ARHGEF7: variants seen among roughly 807,000 people sequenced by gnomAD.
The protein encoded by ARHGEF7 is Rho guanine nucleotide exchange factor 7.
ARHGEF7 carries 33 observed loss-of-function variants against 109.8 expected under a neutral mutation model. The observed-to-expected ratio is 0.30, with a 90% confidence interval of 0.23 to 0.40. The LOEUF (loss-of-function observed/expected upper bound fraction) is 0.40. Ranked by LOEUF, ARHGEF7 falls within the 10% of genes least tolerant of loss-of-function variation. The probability of loss-of-function intolerance (pLI) is 1.00; values close to 1 mark genes in which losing one functional copy is unlikely to be tolerated. For missense variants in ARHGEF7, 938 were observed against 1,098.5 expected (o/e 0.85, Z 2.07); for synonymous variants, 458 against 424.6 (o/e 1.08, Z -0.97).
intron 2 of ARHGEF7, among the ~76,000 whole-genome samples, chr13:111,205,036 C>G (rs1219735890): frequency 6.6e-6 from 1 of 152,206 alleles, no homozygotes; most frequent in Non-Finnish European, 1.5e-5. Context: ...GCTCACACTC[C>G]AGAGGGGCAG....
chr13:111,181,299 A>C (rs78426425), intron 2 of ARHGEF7, among the ~76,000 whole-genome samples: 4,257 of 152,300 alleles, frequency 0.028, 88 homozygotes, highest in Non-Finnish European at 0.038. Context: ...AAGTTGTCCC[A>C]ACTTCAAATT....
At chr13:111,241,357 C>G in intron 6 of ARHGEF7, 1 of 1,535,672 alleles carries the variant, frequency 6.5e-7, no homozygotes, top group Non-Finnish European at 8.7e-7. Flanking sequence ...CCCCCGGCTG[C>G]GCCCCGAGGT....
chr13:111,281,181 C>CTTTTTTTTTTTTTTTTTT lies in ARHGEF7; in HGVS notation c.1725+515_1725+532dup, dbSNP rs11403258. ...CAACAAGTCTTTGGATATTTAGAGA[C>CTTTTTTTTTTTTTTTTTT]TTTTTTTTTTTTTTTTTTTTTTTTT... On this transcript the variant is annotated intron_variant, in intron 15 of 21. Coordinates refer to ENST00000646102, the MANE Select transcript of ARHGEF7 (RefSeq NM_001354046.2). The CTTTTTTTTTTTTTTTTTT allele has an allele frequency of 5.4e-4, 32 of 59,444 alleles. 2 individuals are homozygous for CTTTTTTTTTTTTTTTTTT. Among genetic ancestry groups the CTTTTTTTTTTTTTTTTTT allele is most frequent in the Non-Finnish European group, 7.7e-4 (25 of 32,632 alleles). 3.7% of individuals were successfully genotyped at this position (59,444 alleles called of 1,614,324 possible).
At chr13:111,197,887 A>G (rs2080729144) in intron 2 of ARHGEF7, among the ~76,000 whole-genome samples, 2 of 152,276 alleles carry the variant, frequency 1.3e-5, no homozygotes, top group South Asian at 4.1e-4. Context: ...AAGAGAGGTG[A>G]GAGGACGTTT....
intron 5 of ARHGEF7, among the ~76,000 whole-genome samples, chr13:111,224,762 A>C (rs2084957839): frequency 6.6e-6 from 1 of 152,212 alleles, no homozygotes; most frequent in Non-Finnish European, 1.5e-5. Context: ...TGATGTGAGT[A>C]TAATCTGTGC....
At chr13:111,154,432 A>T (rs987879189) in intron 2 of ARHGEF7, among the ~76,000 whole-genome samples, 1 of 152,156 alleles carries the variant, frequency 6.6e-6, no homozygotes, top group Non-Finnish European at 1.5e-5. Flanking sequence ...GATCAGGCAA[A>T]GTCGTGCAGA....
At chr13:111,278,160 C>G (rs2092592797) in intron 13 of ARHGEF7, among the ~76,000 whole-genome samples, 1 of 152,174 alleles carries the variant, frequency 6.6e-6, no homozygotes, top group Non-Finnish European at 1.5e-5. Context: ...TTTTGTTTCC[C>G]TGCTTCTCTT....
At chr13:111,191,586 C>T (rs1376913216) in intron 2 of ARHGEF7, among the ~76,000 whole-genome samples, 1 of 151,950 alleles carries the variant, frequency 6.6e-6, no homozygotes, top group Admixed American at 6.6e-5. Flanking sequence ...GGAGTGGCTA[C>T]GTAAGCAGAG....
rs560674419 is a variant in ARHGEF7, at chr13:111,241,336, G to C, written c.760-2536G>C. 18 of 1,536,118 alleles carry C rather than the reference G, an allele frequency of 1.2e-5. No individual in the cohort carries two copies. The South Asian group carries it at 1.9e-4, about 16-fold the overall frequency. On this transcript the variant is annotated intron_variant, in intron 6 of 21. Transcript: ENST00000646102. ...AGAAGACGAGGAGGGGAAGAAAGGT[G>C]GTAAGTGGCACCCCCGGCTGCGCCC...
chr13:111,256,383 T>C (rs2090424481), intron 8 of ARHGEF7, among the ~76,000 whole-genome samples: 1 of 152,238 alleles, frequency 6.6e-6, no homozygotes, highest in South Asian at 2.1e-4. Flanking sequence ...ACCTATGGCA[T>C]GTTCTCCCTG....
chr13:111,235,054 G>C (rs2086611586), intron 6 of ARHGEF7, among the ~76,000 whole-genome samples: 1 of 152,202 alleles, frequency 6.6e-6, no homozygotes, highest in Admixed American at 6.5e-5. Flanking sequence ...TCCTGGAGCT[G>C]CCCTTTCCTC....
At chr13:111,208,786 ATT>A in intron 3 of ARHGEF7, among the ~76,000 whole-genome samples, 1 of 152,112 alleles carries the variant, frequency 6.6e-6, no homozygotes, top group East Asian at 1.9e-4. Flanking sequence ...CCTGAGAAGA[ATT>A]TAAGATCGTT....
rs78268883 is a variant in ARHGEF7 at position 111,231,641 on chromosome 13, G to A, written c.671-1564G>A. Among the ~76,000 whole-genome samples, 387 of 152,294 alleles carry A rather than the reference G, an allele frequency of 2.5e-3. 1 individual carries two copies. Among genetic ancestry groups the A allele is most frequent in the Middle Eastern group, 0.01 (3 of 294 alleles). On this transcript the variant is annotated intron_variant, in intron 5 of 21. Transcript: ENST00000646102. ...AGGCAGTTGACGTTAGGGACCTGAA[G>A]CCTTAGAGTGTTTGGGGTTGAAGGC...
chr13:111,115,089 C>T (rs1457883844), upstream of ARHGEF7: 1 of 150,692 alleles, frequency 6.6e-6, no homozygotes, highest in Non-Finnish European at 1.5e-5. Flanking sequence ...CCCCCACCCC[C>T]GGCTCCCTCC....
intron 3 of ARHGEF7, among the ~76,000 whole-genome samples, chr13:111,206,995 A>G (rs567798372): frequency 1.3e-5 from 2 of 152,018 alleles, no homozygotes; most frequent in Non-Finnish European, 2.9e-5. Flanking sequence ...AAAAAAAGAA[A>G]ATCACTTATC....
intron 2 of ARHGEF7, among the ~76,000 whole-genome samples, chr13:111,181,647 T>G (rs1259702462): frequency 6.6e-6 from 1 of 151,816 alleles, no homozygotes; most frequent in Non-Finnish European, 1.5e-5. Flanking sequence ...CCTGAGGGAG[T>G]ATAGAGGTGA....
intron 2 of ARHGEF7, among the ~76,000 whole-genome samples, chr13:111,197,492 A>G (rs2153455026): frequency 6.6e-6 from 1 of 152,340 alleles, no homozygotes. Flanking sequence ...AAGAGTCCTA[A>G]GCGTTCTCCT....
At chr13:111,263,657 C>T (rs545567069) in intron 8 of ARHGEF7, among the ~76,000 whole-genome samples, 1 of 152,330 alleles carries the variant, frequency 6.6e-6, no homozygotes, top group African/African-American at 2.4e-5. Context: ...TCCATCATTA[C>T]CCAGTGCTCT....
chr13:111,270,068 G>A (rs1161725110), intron 9 of ARHGEF7, among the ~76,000 whole-genome samples: 3 of 152,228 alleles, frequency 2.0e-5, no homozygotes, highest in African/African-American at 7.2e-5. Flanking sequence ...TAAGTTCTAA[G>A]TGTGAGCCCT....
Sources: gnomAD v4.1 joint callset for allele counts (sites outside exome capture counted in the v4.1 genomes callset) on GRCh38, gnomAD v4.1.1 for gene constraint, MANE v1.5 for transcripts, NCBI Gene and HGNC (gene_info 2026-07-23, HGNC 2026-07-21) for gene names.